Variants in NEK5 observed in about 807,000 individuals in gnomAD.
NEK5 encodes serine/threonine-protein kinase Nek5.
Under a neutral mutation model 109.2 loss-of-function variants are expected in NEK5, and 88 were observed. The ratio of observed to expected loss-of-function variants is 0.81; its 90% CI spans 0.68 to 0.96. NEK5 has a LOEUF of 0.96. Ranked by LOEUF, NEK5 falls within the 40% of genes least tolerant of loss-of-function variation. The pLI is 0.00. For missense variants in NEK5, 834 were observed against 920.7 expected (o/e 0.91, Z 1.22); for synonymous variants, 283 against 299.9 (o/e 0.94, Z 0.58).
intron 8 of NEK5, among the ~76,000 whole-genome samples, chr13:52,106,643 T>C (rs547107648): frequency 4.6e-5 from 7 of 152,008 alleles, no homozygotes; most frequent in Admixed American, 2.6e-4. Flanking sequence ...GGGGCGTGCT[T>C]GCAGTCCCAG....
chr13:52,097,386 G>A (rs191048956), intron 12 of NEK5, among the ~76,000 whole-genome samples: 1 of 151,598 alleles, frequency 6.6e-6, no homozygotes, highest in Admixed American at 6.6e-5. Context: ...GAGAGCAGCC[G>A]CAGGGGCTGT....
intron 23 of NEK5, among the ~76,000 whole-genome samples, chr13:52,046,686 A>T (rs778133344): frequency 3.3e-5 from 5 of 151,806 alleles, no homozygotes; most frequent in Non-Finnish European, 7.4e-5. Context: ...AGGTGCGATC[A>T]TGCCGCTGCA....
At chr13:52,064,236 GC>G (rs1214156668) in intron 21 of NEK5, among the ~76,000 whole-genome samples, 43 of 135,906 alleles carry the variant, frequency 3.2e-4, no homozygotes, top group African/African-American at 9.6e-4. Flanking sequence ...GGGGGGGTCA[GC>G]CCCCCGCCCA....
intron 23 of NEK5, among the ~76,000 whole-genome samples, chr13:52,039,951 T>C (rs1467849390): frequency 6.6e-6 from 1 of 151,868 alleles, no homozygotes; most frequent in Non-Finnish European, 1.5e-5. Context: ...CCCTCATGAG[T>C]GGGATCAGTG....
intron 21 of NEK5, among the ~76,000 whole-genome samples, chr13:52,064,453 G>T (rs1030282574): frequency 6.8e-6 from 1 of 145,994 alleles, no homozygotes; most frequent in South Asian, 2.1e-4. Context: ...GAGGTGGGGG[G>T]GGTCAGCCCC....
At chr13:52,040,517 T>C (rs1186515666) in intron 23 of NEK5, among the ~76,000 whole-genome samples, 23 of 152,224 alleles carry the variant, frequency 1.5e-4, no homozygotes, top group Admixed American at 1.1e-3. Context: ...TCCTGCTCTT[T>C]ACCGAGGGAC....
At position 52,093,144 on chromosome 13, in the gene NEK5, T is replaced by C; in HGVS notation, c.1118A>G (p.His373Arg). ...AQLDMLRRRA[H>R]KPSYHPIPQE... is the part of the protein sequence containing the mutation. ...AGGAATAGGGTGATAACTTGGTTTG[T>C]GGGCTCTCCTCCTCAGCATATCAAG... Residue 373 changes from histidine to arginine, a missense_variant, in exon 13 of 24, where the codon CAC becomes CGC. Around this residue, in one of 2 missense-constraint regions of NEK5, gnomAD observed 777 missense variants for 824.7 expected, o/e 0.94. Coordinates refer to ENST00000684899, the MANE Select transcript of NEK5 (RefSeq NM_001365552.1). 1 of 1,613,524 alleles carries C rather than the reference T, an allele frequency of 6.2e-7. No homozygotes were observed. The highest frequency in any genetic ancestry group is 8.5e-7 in the Non-Finnish European group (1 of 1,179,422).
rs373300776 is a variant in NEK5 at position 52,067,892 on chromosome 13, A to G, written c.1850-2283T>C. 2.4e-4 allele frequency among the ~76,000 whole-genome samples: 37 copies of G among 151,986 alleles called. 1 individual carries two copies. The East Asian group carries it at 3.7e-3, about 15-fold the overall frequency. On this transcript the variant is annotated intron_variant, in intron 20 of 23. Coordinates refer to ENST00000684899, the MANE Select transcript of NEK5 (RefSeq NM_001365552.1). Reference sequence around the variant, plus strand: ...TTTTTAGTAGAGATGGGCTTTAGCCATATTGGCCAGGCTAGTCTCGAACTC... The same window carrying G: ...TTTTTAGTAGAGATGGGCTTTAGCCGTATTGGCCAGGCTAGTCTCGAACTC...
At chr13:52,063,280 G>A (rs9535846) in intron 21 of NEK5, among the ~76,000 whole-genome samples, 84,595 of 152,110 alleles carry the variant, frequency 0.56, 26,337 homozygotes, top group Non-Finnish European at 0.7. Context: ...TCGCTGTGTT[G>A]GCCGGGCTGG....
intron 21 of NEK5, 41 bp downstream of exon 21, chr13:52,065,442 TG>T (rs760337674): frequency 4.3e-6 from 7 of 1,613,924 alleles, no homozygotes; most frequent in Non-Finnish European, 5.9e-6. Flanking sequence ...TACGGGTCCT[TG>T]GTCTTCCCTT....
chr13:52,089,402 A>G, intron 13 of NEK5, 89 bp from the exon 14 acceptor site: 1 of 766,496 alleles, frequency 1.3e-6, no homozygotes. Context: ...TAGTAATGAG[A>G]TTCACAATTC....
intron 13 of NEK5, 109 bp from the exon 14 acceptor site, chr13:52,089,422 T>G: frequency 1.5e-6 from 1 of 662,506 alleles, no homozygotes; most frequent in East Asian, 2.8e-5. Context: ...CACCAGTGGC[T>G]TGAAGTTCCA....
At chr13:52,078,932 T>G (rs1158453465) in intron 17 of NEK5, among the ~76,000 whole-genome samples, 1 of 152,200 alleles carries the variant, frequency 6.6e-6, no homozygotes, top group Admixed American at 6.5e-5. Flanking sequence ...ACTTCACAAA[T>G]ATAAGTAAGA....
chr13:52,109,766 C>T (rs1955721926), intron 7 of NEK5, among the ~76,000 whole-genome samples: 1 of 152,142 alleles, frequency 6.6e-6, no homozygotes, highest in African/African-American at 2.4e-5. Context: ...AATCAATTGC[C>T]AATCAGAAAA....
At chr13:52,089,060 C>T (rs1163139910) in intron 14 of NEK5, among the ~76,000 whole-genome samples, 187 bp downstream of exon 14, 1 of 151,168 alleles carries the variant, frequency 6.6e-6, no homozygotes, top group Non-Finnish European at 1.5e-5. Context: ...CACTGCACTC[C>T]AGCCTGGTGA....
intron 11 of NEK5, among the ~76,000 whole-genome samples, chr13:52,100,263 T>C (rs1287523192): frequency 6.6e-6 from 1 of 151,814 alleles, no homozygotes; most frequent in African/African-American, 2.4e-5. Context: ...GAGTAGATCT[T>C]CTCTCTTTTT....
intron 3 of NEK5, among the ~76,000 whole-genome samples, chr13:52,122,108 C>T (rs1188453898): frequency 6.6e-6 from 1 of 151,980 alleles, no homozygotes; most frequent in East Asian, 1.9e-4. Context: ...TAATGCTATG[C>T]AGTCATTAAA....
intron 22 of NEK5, among the ~76,000 whole-genome samples, chr13:52,053,146 C>G (rs1954522958): frequency 6.6e-6 from 1 of 152,072 alleles, no homozygotes; most frequent in African/African-American, 2.4e-5. Flanking sequence ...ACTAAAAATA[C>G]AAAAATTAGC....
At chr13:52,065,682 G>C in intron 20 of NEK5, 73 bp from the exon 21 acceptor site, 3 of 1,049,658 alleles carry the variant, frequency 2.9e-6, no homozygotes, top group Non-Finnish European at 1.4e-6. Flanking sequence ...CACTTCTTAG[G>C]AACTCAGAGG....
Sources: allele counts gnomAD v4.1 joint callset (sites outside exome capture counted in the v4.1 genomes callset), GRCh38; gene constraint gnomAD v4.1.1; regional missense constraint gnomAD v4.1.1; transcripts MANE v1.5; gene names NCBI Gene and HGNC (gene_info 2026-07-23, HGNC 2026-07-21).